Variants in MTHFD1L observed in about 807,000 individuals in gnomAD.
MTHFD1L encodes the protein methylenetetrahydrofolate dehydrogenase (NADP+ dependent) 1 like, also known as monofunctional C1-tetrahydrofolate synthase, mitochondrial.
Under a neutral mutation model 119.5 loss-of-function variants are expected in MTHFD1L, and 81 were observed. The ratio of observed to expected loss-of-function variants is 0.68; its 90% CI spans 0.57 to 0.82. The LOEUF is 0.82. Ranked by LOEUF, MTHFD1L falls within the 40% of genes least tolerant of loss-of-function variation. The probability of loss-of-function intolerance (pLI) is 0.00; values close to 1 mark genes in which losing one functional copy is unlikely to be tolerated. For missense variants in MTHFD1L, 1,125 were observed against 1,253.4 expected, an observed-to-expected ratio of 0.90 and a Z score of 1.55; for synonymous variants, 430 against 475.2, an observed-to-expected ratio of 0.90 and a Z score of 1.24.
intron 8 of MTHFD1L, among the ~76,000 whole-genome samples, chr6:150,906,905 G>A (rs1786010192): frequency 6.6e-6 from 1 of 152,014 alleles, no homozygotes; most frequent in Non-Finnish European, 1.5e-5. Context: ...AAGGAAAGAG[G>A]CATTAAGAGC....
intron 25 of MTHFD1L, among the ~76,000 whole-genome samples, chr6:151,036,159 G>A (rs142076645): frequency 4.6e-5 from 7 of 152,204 alleles, no homozygotes; most frequent in African/African-American, 1.7e-4. Context: ...GCTCACACCT[G>A]TAATCCCAGC....
chr6:150,866,816 G>C (rs1459547147), intron 1 of MTHFD1L, among the ~76,000 whole-genome samples: 1 of 152,206 alleles, frequency 6.6e-6, no homozygotes, highest in Admixed American at 6.5e-5. Context: ...CCCCGCCCCT[G>C]GGCTCCAGCC....
chr6:150,942,173 C>T (rs568286561), intron 13 of MTHFD1L, among the ~76,000 whole-genome samples: 1 of 152,284 alleles, frequency 6.6e-6, no homozygotes, highest in Non-Finnish European at 1.5e-5. Flanking sequence ...GCAGGAGGAT[C>T]ACTCAAACCT....
chr6:151,061,294 A>G (rs547271245), intron 26 of MTHFD1L, among the ~76,000 whole-genome samples: 19 of 152,294 alleles, frequency 1.2e-4, no homozygotes, highest in African/African-American at 4.6e-4. Context: ...AGAGTCACAC[A>G]AGATACACTT....
intron 1 of MTHFD1L, among the ~76,000 whole-genome samples, chr6:150,870,955 A>T (rs905447903): frequency 1.4e-5 from 2 of 141,972 alleles, no homozygotes; most frequent in African/African-American, 5.1e-5. Flanking sequence ...AAACATATAT[A>T]TATATATTAT....
chr6:150,983,209 C>T (rs1289027934), intron 20 of MTHFD1L, among the ~76,000 whole-genome samples: 1 of 152,174 alleles, frequency 6.6e-6, no homozygotes, highest in African/African-American at 2.4e-5. Context: ...CAAATATCTT[C>T]TCCCCTGTAT....
intron 18 of MTHFD1L, 127 bp from the exon 19 acceptor site, chr6:150,964,842 C>G: frequency 1.4e-6 from 1 of 720,194 alleles, no homozygotes; most frequent in Non-Finnish European, 2.4e-6. Flanking sequence ...GCAGCACTGT[C>G]CCCTGTGGCC....
At chr6:151,094,662 G>C (rs1419179406) in intron 27 of MTHFD1L, among the ~76,000 whole-genome samples, 2 of 152,176 alleles carry the variant, frequency 1.3e-5, no homozygotes, top group East Asian at 3.8e-4. Context: ...TCCTGCCTCA[G>C]CCTCCCAAGC....
At chr6:150,944,221 C>T (rs967191430) in intron 13 of MTHFD1L, among the ~76,000 whole-genome samples, 2 of 152,110 alleles carry the variant, frequency 1.3e-5, no homozygotes, top group South Asian at 2.1e-4. Flanking sequence ...ATGTCTTAGC[C>T]GAGCACAGTG....
intron 1 of MTHFD1L, among the ~76,000 whole-genome samples, chr6:150,869,011 A>C (rs1778936282): frequency 6.6e-6 from 1 of 152,208 alleles, no homozygotes; most frequent in South Asian, 2.1e-4. Flanking sequence ...CAGTGAGCGG[A>C]GATTGCGCTA....
intron 27 of MTHFD1L, among the ~76,000 whole-genome samples, chr6:151,101,128 C>T (rs1417957259): frequency 6.6e-6 from 1 of 152,116 alleles, no homozygotes; most frequent in African/African-American, 2.4e-5. Flanking sequence ...CACTACACTC[C>T]AGCCTGGGCG....
intron 24 of MTHFD1L, among the ~76,000 whole-genome samples, chr6:151,026,820 CTTTTTTTTTTTT>C (rs1158007442): frequency 3.9e-5 from 2 of 51,284 alleles, no homozygotes; most frequent in Non-Finnish European, 6.4e-5. Flanking sequence ...CCTTTCTATC[CTTTTTTTTTTTT>C]TTTTTTTTTT....
intron 26 of MTHFD1L, among the ~76,000 whole-genome samples, chr6:151,050,101 CA>C (rs1788783886): frequency 6.9e-6 from 1 of 145,668 alleles, no homozygotes; most frequent in Non-Finnish European, 1.5e-5. Flanking sequence ...GGAAGTTCTG[CA>C]CCTCTTCCCC....
chr6:151,070,223 A>G (rs1468970016), intron 26 of MTHFD1L, among the ~76,000 whole-genome samples: 1 of 152,262 alleles, frequency 6.6e-6, no homozygotes, highest in Non-Finnish European at 1.5e-5. Flanking sequence ...CTAAGTTAAA[A>G]TACTATAAAG....
chr6:150,993,217 A>G (rs1164357149), intron 20 of MTHFD1L, among the ~76,000 whole-genome samples: 1 of 152,236 alleles, frequency 6.6e-6, no homozygotes, highest in Non-Finnish European at 1.5e-5. Flanking sequence ...AATATTTTAA[A>G]CAAGTATGAA....
chr6:150,900,006 T>C (rs1440428645), intron 7 of MTHFD1L, among the ~76,000 whole-genome samples: 1 of 147,954 alleles, frequency 6.8e-6, no homozygotes, highest in Non-Finnish European at 1.5e-5. Flanking sequence ...TTTTATATTA[T>C]ATTATATATT....
At chr6:150,936,376 C>G (rs904264599) in intron 11 of MTHFD1L, among the ~76,000 whole-genome samples, 1 of 152,188 alleles carries the variant, frequency 6.6e-6, no homozygotes, top group African/African-American at 2.4e-5. Flanking sequence ...CAGTGCCCTA[C>G]TCACCCAAGG....
At chr6:150,898,342 ACGCAGGT>A (rs1266271542) in intron 7 of MTHFD1L, among the ~76,000 whole-genome samples, 1 of 152,124 alleles carries the variant, frequency 6.6e-6, no homozygotes, top group South Asian at 2.1e-4. Context: ...CTGGACTTGA[ACGCAGGT>A]CGCAGGACTC....
chr6:150,960,857 G>T (rs1172371492), intron 18 of MTHFD1L, among the ~76,000 whole-genome samples: 8 of 152,116 alleles, frequency 5.3e-5, no homozygotes, highest in Admixed American at 5.2e-4. Flanking sequence ...CACATTTCTG[G>T]CACCAGCCTG....
Sources: gnomAD v4.1 joint callset for allele counts (sites outside exome capture counted in the v4.1 genomes callset) on GRCh38, gnomAD v4.1.1 for gene constraint, MANE v1.5 for transcripts, NCBI Gene and HGNC (gene_info 2026-07-23, HGNC 2026-07-21) for gene names.